Variants in IBSP observed in about 807,000 individuals in gnomAD.
IBSP encodes integrin binding sialoprotein.
In IBSP, 19 loss-of-function variants were observed where a neutral mutation model predicts 25.5. That is an observed-to-expected ratio of 0.74 (90% CI 0.52 to 1.09). The LOEUF is 1.09. Among genes scored for constraint, IBSP ranks in the 50% least tolerant of loss-of-function variants. IBSP has a pLI of 0.00. For synonymous variants in IBSP, 144 were observed against 137.6 expected (o/e 1.05, Z -0.33); for missense variants, 360 against 382.3 (o/e 0.94, Z 0.49).
At chr4:87,802,589 G>A in intron 3 of IBSP, 31 bp downstream of exon 3, 1 of 1,581,530 alleles carries the variant, frequency 6.3e-7, no homozygotes, top group Non-Finnish European at 8.6e-7. Context: ...TCCTTGGCCT[G>A]ATTATACTTG....
intron 1 of IBSP, among the ~76,000 whole-genome samples, chr4:87,801,541 T>G (rs2110055671): frequency 1.3e-5 from 2 of 151,104 alleles, no homozygotes; most frequent in East Asian, 3.9e-4. Flanking sequence ...CACACACCAA[T>G]TATTCCAAGA....
At chr4:87,810,049 C>T (rs1033759189) in intron 5 of IBSP, among the ~76,000 whole-genome samples, 9 of 151,994 alleles carry the variant, frequency 5.9e-5, no homozygotes, top group South Asian at 4.2e-4. Flanking sequence ...CACGGTGAAA[C>T]GCCGTTTCTA....
intron 4 of IBSP, among the ~76,000 whole-genome samples, chr4:87,805,208 C>G (rs1055690779): frequency 6.6e-6 from 1 of 152,156 alleles, no homozygotes; most frequent in Non-Finnish European, 1.5e-5. Flanking sequence ...GCTATATTTT[C>G]TAAATGCAAG....
intron 4 of IBSP, among the ~76,000 whole-genome samples, chr4:87,805,627 C>A (rs1423923440): frequency 6.6e-6 from 1 of 152,138 alleles, no homozygotes; most frequent in Non-Finnish European, 1.5e-5. Context: ...TGATTTCTTT[C>A]ATGTTTTCTA....
In IBSP at chr4:87,811,473, G is replaced by C. The variant is rs1474442190; in HGVS notation, c.517G>C (p.Glu173Gln). 2.5e-6 allele frequency: 4 copies of C among 1,613,914 alleles called. No individual in the cohort carries two copies. Among genetic ancestry groups the C allele is most frequent in the Non-Finnish European group, 3.4e-6 (4 of 1,179,916 alleles). ...AAGCGAAGCAGAAGTGGATGAAAAC[G>C]AACAAGGCATAAACGGCACCAGTAC... ...EESEAEVDEN[E>Q]QGINGTSTNS... The change falls in exon 7 of 7, where the codon GAA (glutamate) becomes CAA (glutamine). Residue 173 changes from glutamate (E) to glutamine (Q), a missense_variant. Transcript: ENST00000226284.
chr4:87,810,836 A>C, intron 6 of IBSP, 72 bp downstream of exon 6: 1 of 1,420,480 alleles, frequency 7.0e-7, no homozygotes, highest in African/African-American at 1.4e-5. Context: ...AATCTTTTTT[A>C]AACTTTTTAA....
intron 4 of IBSP, among the ~76,000 whole-genome samples, chr4:87,805,499 A>G (rs1177899003): frequency 6.6e-6 from 1 of 152,210 alleles, no homozygotes; most frequent in Admixed American, 6.6e-5. Flanking sequence ...AATCAAATTT[A>G]AAGATACTAA....
intron 6 of IBSP, 57 bp downstream of exon 6, chr4:87,810,821 T>TAA: frequency 6.6e-7 from 1 of 1,514,548 alleles, no homozygotes; most frequent in Non-Finnish European, 9.1e-7. Flanking sequence ...ATAATGGTAA[T>TAA]GTTCAATCTT....
chr4:87,811,265 A>G, intron 6 of IBSP, 97 bp from the exon 7 acceptor site: 1 of 1,362,068 alleles, frequency 7.3e-7, no homozygotes, highest in Non-Finnish European at 1.0e-6. Context: ...TAAGACGCCT[A>G]GAATAAGGCT....
At chr4:87,801,941 T>A (rs1181005597) in intron 1 of IBSP, among the ~76,000 whole-genome samples, 2 of 152,138 alleles carry the variant, frequency 1.3e-5, no homozygotes, top group African/African-American at 2.4e-5. Flanking sequence ...CTGGTCGAGT[T>A]TTTAATTGTA....
intron 4 of IBSP, among the ~76,000 whole-genome samples, chr4:87,803,078 G>A (rs962494411): frequency 6.6e-6 from 1 of 152,130 alleles, no homozygotes; most frequent in Non-Finnish European, 1.5e-5. Context: ...AAGGTCACTG[G>A]CTGTCCTATT....
At position 87,809,300 on chromosome 4, in the gene IBSP, G is replaced by A. The variant is rs1722136518; in HGVS notation, c.247-1306G>A. Among the ~76,000 whole-genome samples, 3 of 152,170 alleles carry A rather than the reference G, an allele frequency of 2.0e-5. 1 individual carries two copies. Among genetic ancestry groups the A allele is most frequent in the South Asian group, 4.2e-4 (2 of 4,818 alleles). Reference sequence around the variant, plus strand: ...ATCTGGGAAAAGAAAAGGTGTAAGAGAAAATATAAAAGTTGGGATATTGGG... The same window carrying A: ...ATCTGGGAAAAGAAAAGGTGTAAGAAAAAATATAAAAGTTGGGATATTGGG... On this transcript the variant is annotated intron_variant, in intron 5 of 6. Coordinates refer to ENST00000226284, the MANE Select transcript of IBSP (RefSeq NM_004967.4).
intron 5 of IBSP, among the ~76,000 whole-genome samples, chr4:87,810,307 A>C (rs1722153409): frequency 6.6e-6 from 1 of 152,218 alleles, no homozygotes; most frequent in Admixed American, 6.5e-5. Flanking sequence ...TTCTTTGTGC[A>C]GAAAAAAAAT....
chr4:87,807,667 G>A (rs2110057556), intron 5 of IBSP, among the ~76,000 whole-genome samples: 1 of 152,294 alleles, frequency 6.6e-6, no homozygotes, highest in South Asian at 2.1e-4. Context: ...TGTTGTTGTG[G>A]TGGTTGAGGA....
In IBSP at chr4:87,811,417, A is replaced by T. The variant is rs1384221107; in HGVS notation, c.461A>T (p.Glu154Val). The T allele has an allele frequency of 1.2e-6, 2 of 1,613,224 alleles. No homozygotes were observed. The highest frequency in any genetic ancestry group is 1.7e-6 in the Non-Finnish European group (2 of 1,179,588). The change falls in exon 7 of 7, where the codon GAG becomes GTG. Residue 154 changes from glutamate to valine, a missense_variant. Physicochemically the swap from Glu to Val is moderately radical, Grantham distance 121. Transcript: ENST00000226284. ...GAGAAGGAAAGTGATGAAGAAGAAG[A>T]GGAGGAAGAGGAAGGAAATGAAAAC... ...TKEKESDEEE[E>V]EEEEGNENEE... is the part of the protein sequence containing the mutation.
intron 1 of IBSP, among the ~76,000 whole-genome samples, chr4:87,801,630 G>A (rs531959049): frequency 8.5e-5 from 13 of 152,072 alleles, no homozygotes; most frequent in African/African-American, 2.9e-4. Flanking sequence ...GCTGGAAACC[G>A]CCTATAGGGT....
At chr4:87,811,119 G>A (rs1376551084) in intron 6 of IBSP, among the ~76,000 whole-genome samples, 1 of 152,066 alleles carries the variant, frequency 6.6e-6, no homozygotes, top group Non-Finnish European at 1.5e-5. Context: ...CAAAACGATA[G>A]GAAGACTCTC....
In IBSP at chr4:87,811,425, G is replaced by T; in HGVS notation, c.469G>T (p.Glu157Ter). The change falls in exon 7 of 7, where the codon GAG becomes TAG. Residue 157 changes from glutamate (E) to a stop codon, truncating the protein, a stop_gained. Transcript: ENST00000226284. LOFTEE classifies it low-confidence loss of function (END_TRUNC). ...AAGTGATGAAGAAGAAGAGGAGGAA[G>T]AGGAAGGAAATGAAAACGAAGAAAG... ...KESDEEEEEE[E>*]EGNENEESEA... is the part of the protein sequence containing the mutation. The T allele has an allele frequency of 6.2e-7, 1 of 1,613,552 alleles. No individual in the cohort carries two copies. Among genetic ancestry groups the T allele is most frequent in the Non-Finnish European group, 8.5e-7 (1 of 1,179,652 alleles).
At position 87,810,736 on chromosome 4, in the gene IBSP, GGT is replaced by G. The variant is rs1459562514; in HGVS notation, c.378_379del (p.Leu127SerfsTer15). 1 of 1,611,744 alleles carries G rather than the reference GGT, an allele frequency of 6.2e-7. No homozygotes were observed. The highest frequency in any genetic ancestry group is 1.7e-5 in the Admixed American group (1 of 59,534). ...GCCACGCCTGGCACAGGGTATACAGGGTTAGCTGCAATCCAGCTTCCCAAGAA... is the reference window on the plus strand; with the variant it reads ...GCCACGCCTGGCACAGGGTATACAGGTAGCTGCAATCCAGCTTCCCAAGAA... On this transcript the variant is annotated frameshift_variant, in exon 6 of 7. Coordinates refer to ENST00000226284, the MANE Select transcript of IBSP (RefSeq NM_004967.4). LOFTEE classifies it low-confidence loss of function (END_TRUNC).
Sources: gnomAD v4.1 joint callset for allele counts (sites outside exome capture counted in the v4.1 genomes callset) on GRCh38, gnomAD v4.1.1 for gene constraint, MANE v1.5 for transcripts, NCBI Gene and HGNC (gene_info 2026-07-23, HGNC 2026-07-21) for gene names.